Variants in MRPS27 observed in about 807,000 individuals in gnomAD.
MRPS27 encodes small ribosomal subunit protein mS27.
A neutral mutation model predicts 48.9 loss-of-function variants in MRPS27; 43 were observed. That is an observed-to-expected ratio of 0.88 (90% CI 0.69 to 1.13). The LOEUF (loss-of-function observed/expected upper bound fraction) is 1.13, where lower values mean the gene tolerates loss of function less well. MRPS27 is among the 50% of genes most tolerant of loss of function. MRPS27 has a pLI of 0.00. For missense variants in MRPS27, 467 were observed against 476.3 expected (o/e 0.98, Z 0.18); for synonymous variants, 188 against 171.9 (o/e 1.09, Z -0.73).
intron 6 of MRPS27, 145 bp downstream of exon 6, chr5:72,233,974 A>G: frequency 2.3e-6 from 2 of 860,958 alleles, no homozygotes; most frequent in Non-Finnish European, 3.2e-6. Flanking sequence ...ATTTTGCATA[A>G]AAGATAATCA....
intron 4 of MRPS27, among the ~76,000 whole-genome samples, chr5:72,251,792 C>T (rs1748672828): frequency 6.6e-6 from 1 of 152,184 alleles, no homozygotes; most frequent in Non-Finnish European, 1.5e-5. Context: ...TGCCACCCAT[C>T]CAAGGCTGGG....
intron 2 of MRPS27, among the ~76,000 whole-genome samples, chr5:72,309,712 G>A (rs1359165946): frequency 6.6e-6 from 1 of 152,130 alleles, no homozygotes; most frequent in Non-Finnish European, 1.5e-5. Flanking sequence ...ACATACCTAG[G>A]AAAGTGTTAA....
At chr5:72,242,665 T>TACACACACACACACACACACACACAC (rs57589095) in intron 4 of MRPS27, among the ~76,000 whole-genome samples, 63 of 134,280 alleles carry the variant, frequency 4.7e-4, no homozygotes, top group African/African-American at 1.7e-3. Flanking sequence ...AGACCCCGTC[T>TACACACACACACACACACACACACAC]ACACACACAC....
intron 4 of MRPS27, among the ~76,000 whole-genome samples, chr5:72,273,159 C>T (rs1466598299): frequency 6.6e-6 from 1 of 152,110 alleles, no homozygotes; most frequent in African/African-American, 2.4e-5. Context: ...CATGATCACA[C>T]CTCTCAGTGG....
chr5:72,235,880 T>G (rs750719313), intron 5 of MRPS27, among the ~76,000 whole-genome samples: 1 of 152,134 alleles, frequency 6.6e-6, no homozygotes, highest in Non-Finnish European at 1.5e-5. Flanking sequence ...TTTTAAAGAC[T>G]GGAACTTTTC....
At chr5:72,311,993 G>A (rs536617901) in intron 2 of MRPS27, among the ~76,000 whole-genome samples, 18 of 152,276 alleles carry the variant, frequency 1.2e-4, no homozygotes, top group Middle Eastern at 3.4e-3. Context: ...TTAGCTGGGC[G>A]TGGTGGCGTG....
intron 2 of MRPS27, among the ~76,000 whole-genome samples, chr5:72,306,671 A>T (rs1472155053): frequency 6.6e-6 from 1 of 152,260 alleles, no homozygotes; most frequent in African/African-American, 2.4e-5. Context: ...TTTATAAGAC[A>T]TTTGGGAAAA....
intron 4 of MRPS27, among the ~76,000 whole-genome samples, chr5:72,246,824 C>T (rs573841871): frequency 7.2e-5 from 11 of 152,122 alleles, no homozygotes; most frequent in Admixed American, 6.5e-4. Flanking sequence ...AGCAATAGGA[C>T]CTAAATTAGA....
Position 72,295,523 on chromosome 5 carries a change from A to G in MRPS27, c.281+8T>C. 1.2e-6 allele frequency: 2 copies of G among 1,601,832 alleles called. No homozygotes were observed. ...AGAGTACATAGCCAAATCAAATGGAAAACTTACTTGTAAAGGTAATACTCT... is the reference window on the plus strand; with the variant it reads ...AGAGTACATAGCCAAATCAAATGGAGAACTTACTTGTAAAGGTAATACTCT... On this transcript the variant is annotated splice_region_variant and intron_variant, in intron 4 of 10. Coordinates refer to ENST00000261413, the MANE Select transcript of MRPS27 (RefSeq NM_015084.3).
chr5:72,256,592 C>G (rs1424747280), intron 4 of MRPS27, among the ~76,000 whole-genome samples: 2 of 152,194 alleles, frequency 1.3e-5, no homozygotes, highest in African/African-American at 2.4e-5. Flanking sequence ...TTTCACCCAG[C>G]TATCCAAAGT....
intron 2 of MRPS27, among the ~76,000 whole-genome samples, chr5:72,301,870 C>T (rs1218292844): frequency 6.6e-6 from 1 of 152,224 alleles, no homozygotes; most frequent in Non-Finnish European, 1.5e-5. Flanking sequence ...GGGACAGCTG[C>T]GGCGTGCAGA....
chr5:72,271,527 G>A (rs1490751749), intron 4 of MRPS27, among the ~76,000 whole-genome samples: 1 of 152,130 alleles, frequency 6.6e-6, no homozygotes, highest in Admixed American at 6.5e-5. Context: ...AAATGGCCTA[G>A]GAATTGCTCT....
intron 3 of MRPS27, among the ~76,000 whole-genome samples, chr5:72,297,256 C>A (rs951049030): frequency 4.6e-5 from 7 of 152,100 alleles, no homozygotes; most frequent in African/African-American, 1.7e-4. Context: ...CATTAATATC[C>A]ATTCTTTTAC....
At chr5:72,221,377 T>G (rs1182045872) in intron 10 of MRPS27, among the ~76,000 whole-genome samples, 3 of 152,230 alleles carry the variant, frequency 2.0e-5, no homozygotes, top group African/African-American at 7.2e-5. Context: ...CTGCCTTTCA[T>G]TCAGGTGCTG....
chr5:72,233,058 G>A (rs1301669714), intron 6 of MRPS27, among the ~76,000 whole-genome samples: 1 of 152,030 alleles, frequency 6.6e-6, no homozygotes, highest in Non-Finnish European at 1.5e-5. Flanking sequence ...TCTCTGCTCT[G>A]GTACCTTCTC....
intron 4 of MRPS27, among the ~76,000 whole-genome samples, chr5:72,248,305 T>A (rs541457929): frequency 6.6e-6 from 1 of 152,264 alleles, no homozygotes; most frequent in Admixed American, 6.5e-5. Flanking sequence ...AGGATGACAA[T>A]CATAAGAAGG....
intron 4 of MRPS27, among the ~76,000 whole-genome samples, chr5:72,284,865 C>T (rs1231500242): frequency 6.6e-6 from 1 of 152,106 alleles, no homozygotes; most frequent in Non-Finnish European, 1.5e-5. Flanking sequence ...CACAGTATTC[C>T]ACTGTACAGC....
intron 4 of MRPS27, among the ~76,000 whole-genome samples, chr5:72,293,220 C>T (rs1358929860): frequency 2.0e-5 from 3 of 151,842 alleles, no homozygotes; most frequent in African/African-American, 2.4e-5. Context: ...TCCACTGTTC[C>T]GACGCAGCTT....
intron 1 of MRPS27, among the ~76,000 whole-genome samples, chr5:72,319,625 C>A (rs1331989420): frequency 6.7e-6 from 1 of 149,796 alleles, no homozygotes; most frequent in Non-Finnish European, 1.5e-5. Context: ...CTCACTGCAA[C>A]CTCCGCCTCC....
Sources: gnomAD v4.1 joint callset for allele counts (sites outside exome capture counted in the v4.1 genomes callset) on GRCh38, gnomAD v4.1.1 for gene constraint, MANE v1.5 for transcripts, NCBI Gene and HGNC (gene_info 2026-07-23, HGNC 2026-07-21) for gene names.